The following SORBS2 variants were observed in gnomAD, a reference collection of about 807,000 sequenced individuals.
The protein encoded by SORBS2 is sorbin and SH3 domain-containing protein 2.
Under a neutral mutation model 97.7 loss-of-function variants are expected in SORBS2, and 46 were observed. The observed-to-expected ratio is 0.47, with a 90% CI of 0.37 to 0.60. SORBS2 has a LOEUF of 0.60. Among genes scored for constraint, SORBS2 ranks in the 20% least tolerant of loss-of-function variants. The pLI is 0.00. For missense variants in SORBS2, 1,316 were observed against 1,282.3 expected (o/e 1.03, Z -0.40); for synonymous variants, 476 against 473.4 (o/e 1.01, Z -0.07).
intron 4 of SORBS2, among the ~76,000 whole-genome samples, chr4:185,664,394 A>G (rs190872148): frequency 1.3e-5 from 2 of 152,334 alleles, no homozygotes; most frequent in Admixed American, 1.3e-4. Flanking sequence ...TAAAAACAGA[A>G]AATTGAACAG....
At chr4:185,614,894 G>A in exon 11 of SORBS2, 4 of 1,614,126 alleles carry the variant, frequency 2.5e-6, no homozygotes, top group Non-Finnish European at 3.4e-6. Flanking sequence ...TAGCTTCTCC[G>A]ATTTCTCCGG....
intron 2 of SORBS2, among the ~76,000 whole-genome samples, chr4:185,767,894 C>T (rs753643690): frequency 6.6e-6 from 1 of 152,200 alleles, no homozygotes; most frequent in Non-Finnish European, 1.5e-5. Context: ...AATGCACCTT[C>T]CCAGGGGCTT....
intron 1 of SORBS2, among the ~76,000 whole-genome samples, chr4:185,781,493 GCCTCTCT>G (rs2099028670): frequency 6.6e-6 from 1 of 151,950 alleles, no homozygotes; most frequent in African/African-American, 2.4e-5. Flanking sequence ...ATTGCCTCCA[GCCTCTCT>G]AGCCTCCCTT....
chr4:185,789,984 G>A (rs539672709), intron 1 of SORBS2, among the ~76,000 whole-genome samples: 1 of 152,020 alleles, frequency 6.6e-6, no homozygotes, highest in South Asian at 2.1e-4. Flanking sequence ...TACATTTGCC[G>A]TTATCTGTTT....
intron 1 of SORBS2, among the ~76,000 whole-genome samples, chr4:185,880,645 T>C (rs1467153435): frequency 1.3e-5 from 2 of 152,240 alleles, no homozygotes; most frequent in Non-Finnish European, 2.9e-5. Context: ...ACTAGGATAC[T>C]TTTAAGTTTC....
At chr4:185,668,563 A>G in intron 4 of SORBS2, among the ~76,000 whole-genome samples, 1 of 152,226 alleles carries the variant, frequency 6.6e-6, no homozygotes, top group East Asian at 1.9e-4. Flanking sequence ...CTTCACATGA[A>G]TGGAATATAC....
At chr4:185,930,835 G>A (rs755581145) in intron 1 of SORBS2, among the ~76,000 whole-genome samples, 19 of 152,144 alleles carry the variant, frequency 1.2e-4, no homozygotes, top group Non-Finnish European at 2.6e-4. Flanking sequence ...ATAATGACTT[G>A]TATACGAATT....
chr4:185,761,892 A>G (rs1344328681), intron 2 of SORBS2, among the ~76,000 whole-genome samples: 4 of 152,222 alleles, frequency 2.6e-5, no homozygotes, highest in Non-Finnish European at 5.9e-5. Context: ...TGACACAGTT[A>G]TCTTTCCTGA....
At chr4:185,888,683 T>C (rs1305588172) in intron 1 of SORBS2, among the ~76,000 whole-genome samples, 1 of 152,238 alleles carries the variant, frequency 6.6e-6, no homozygotes, top group East Asian at 1.9e-4. Flanking sequence ...TCCCCATCTC[T>C]AGGTTCTAAA....
intron 1 of SORBS2, among the ~76,000 whole-genome samples, chr4:185,954,323 T>C (rs896910461): frequency 2.6e-5 from 4 of 152,228 alleles, no homozygotes; most frequent in Admixed American, 2.6e-4. Flanking sequence ...ATTTAAAAAA[T>C]CTTATTTTTA....
At chr4:185,882,199 C>G (rs1179136434) in intron 1 of SORBS2, among the ~76,000 whole-genome samples, 2 of 152,098 alleles carry the variant, frequency 1.3e-5, no homozygotes, top group Non-Finnish European at 2.9e-5. Context: ...CATAGAAAAT[C>G]TCAAAGAATC....
chr4:185,686,046 A>G (rs1406578916), intron 2 of SORBS2, among the ~76,000 whole-genome samples: 1 of 152,230 alleles, frequency 6.6e-6, no homozygotes. Flanking sequence ...ATGGCATGGC[A>G]ATAAATAGTT....
rs142602458 is a variant in SORBS2, at chr4:185,633,008, C to A, written c.397-2410G>T. Among the ~76,000 whole-genome samples, 417 of 152,210 alleles carry A rather than the reference C, an allele frequency of 2.7e-3. 2 individuals are homozygous for A. The highest frequency in any genetic ancestry group is 9.5e-3 in the African/African-American group (394 of 41,536). On this transcript the variant is annotated intron_variant, in intron 4 of 14. Coordinates refer to ENST00000418609, the Ensembl canonical transcript of SORBS2. ...AAAATTATCTCCAGAAAAGAGGTTACAAATTTTACCAGTTATGATCTACTA... is the reference window on the plus strand; with the variant it reads ...AAAATTATCTCCAGAAAAGAGGTTAAAAATTTTACCAGTTATGATCTACTA...
chr4:185,750,560 C>T (rs1420307002), intron 2 of SORBS2, among the ~76,000 whole-genome samples: 1 of 152,248 alleles, frequency 6.6e-6, no homozygotes, highest in Non-Finnish European at 1.5e-5. Flanking sequence ...TGCTGCTGTG[C>T]AGTCCCCAAC....
At chr4:185,908,401 G>C (rs1175928966) in intron 1 of SORBS2, among the ~76,000 whole-genome samples, 1 of 124,990 alleles carries the variant, frequency 8.0e-6, no homozygotes, top group East Asian at 2.4e-4. Flanking sequence ...TCGAGGTATA[G>C]AAAGTCACCC....
intron 1 of SORBS2, among the ~76,000 whole-genome samples, chr4:185,885,085 G>C (rs901669256): frequency 6.6e-6 from 1 of 152,192 alleles, no homozygotes; most frequent in East Asian, 1.9e-4. Context: ...AATTAATGTT[G>C]CTGGGAAAGA....
At chr4:185,666,360 GAA>G (rs2097598562) in intron 4 of SORBS2, among the ~76,000 whole-genome samples, 1 of 152,212 alleles carries the variant, frequency 6.6e-6, no homozygotes, top group Non-Finnish European at 1.5e-5. Context: ...ACACAGTGCA[GAA>G]AAAGTGTGAA....
chr4:185,792,165 T>G (rs902724245), intron 1 of SORBS2, among the ~76,000 whole-genome samples: 1 of 152,196 alleles, frequency 6.6e-6, no homozygotes, highest in East Asian at 1.9e-4. Flanking sequence ...TCTAGATACA[T>G]CTCCTTATTT....
intron 2 of SORBS2, among the ~76,000 whole-genome samples, chr4:185,712,698 T>C: frequency 6.6e-6 from 1 of 152,184 alleles, no homozygotes; most frequent in East Asian, 1.9e-4. Flanking sequence ...TGGAGTTCGC[T>C]CCTGCCAGTG....
Sources: gnomAD v4.1 joint callset for allele counts (sites outside exome capture counted in the v4.1 genomes callset) on GRCh38, gnomAD v4.1.1 for gene constraint, MANE v1.5 for transcripts, NCBI Gene and HGNC (gene_info 2026-07-23, HGNC 2026-07-21) for gene names.